FAT3: variants seen among roughly 807,000 people sequenced by gnomAD.
FAT3 encodes the protein FAT atypical cadherin 3.
FAT3 carries 95 observed loss-of-function variants against 310.2 expected under a neutral mutation model. The observed-to-expected ratio is 0.31, with a 90% CI of 0.26 to 0.36. The LOEUF is 0.36. Among genes scored for constraint, FAT3 ranks in the 10% least tolerant of loss-of-function variants. FAT3 has a pLI of 1.00. For missense variants in FAT3, 5,408 were observed against 5,715.6 expected, an observed-to-expected ratio of 0.95 and a Z score of 1.74; for synonymous variants, 2,314 against 2,192.9, an observed-to-expected ratio of 1.06 and a Z score of -1.54.
Position 92,354,120 on chromosome 11 carries a change from T to C in FAT3, c.2008T>C (p.Ser670Pro). ...NLADPMSINI[S>P]VLHGKVSSKS... ...TGCAGACCCCATGTCTATTAACATT[T>C]CAGTCCTACATGGGAAAGTGTCTTC... The change falls in exon 2 of 28, where the codon TCA (serine) becomes CCA (proline). Residue 670 changes from serine (S) to proline (P), a missense_variant. By Grantham distance (74) the Ser-to-Pro change is moderately conservative. Transcript: ENST00000525166. 1.2e-6 allele frequency: 2 copies of C among 1,613,862 alleles called. No individual in the cohort carries two copies. The highest frequency in any genetic ancestry group is 1.1e-5 in the South Asian group (1 of 91,084).
At chr11:92,718,259 G>C (rs1278525184) in intron 4 of FAT3, among the ~76,000 whole-genome samples, 2 of 152,154 alleles carry the variant, frequency 1.3e-5, no homozygotes, top group African/African-American at 4.8e-5. Context: ...TATATGTAAA[G>C]GTTTATTACT....
At chr11:92,278,613 C>CAT (rs1342386995) in intron 1 of FAT3, among the ~76,000 whole-genome samples, 6 of 151,832 alleles carry the variant, frequency 4.0e-5, no homozygotes, top group South Asian at 2.1e-4. Context: ...TATGTGTCTA[C>CAT]ATATATATAT....
chr11:92,868,669 G>C (rs879933205), intron 22 of FAT3, among the ~76,000 whole-genome samples: 1 of 152,188 alleles, frequency 6.6e-6, no homozygotes, highest in Non-Finnish European at 1.5e-5. Context: ...AACGATGGCA[G>C]GACGTTGTTT....
chr11:92,821,165 A>G (rs1947959447), intron 13 of FAT3, among the ~76,000 whole-genome samples: 1 of 152,202 alleles, frequency 6.6e-6, no homozygotes, highest in Admixed American at 6.5e-5. Context: ...TACCACTGAA[A>G]AGACCCTGAG....
At chr11:92,394,812 C>T (rs775351375) in intron 2 of FAT3, among the ~76,000 whole-genome samples, 3 of 152,216 alleles carry the variant, frequency 2.0e-5, no homozygotes, top group African/African-American at 2.4e-5. Flanking sequence ...ATAGAATATT[C>T]GTACTTACCA....
Position 92,887,019 on chromosome 11 carries a change from G to T in FAT3, c.12957G>T (p.Pro4319=), listed in dbSNP as rs761259302. Reference sequence around the variant, plus strand: ...ATGAAGACAAAGGGGTTGATGACCCGGGAGAAGTGACCTGCTTTGCAGGTA... The same window carrying T: ...ATGAAGACAAAGGGGTTGATGACCCTGGAGAAGTGACCTGCTTTGCAGGTA... ...AGTENKGVDD[P]GEVTCFAGSN... Residue 4319 remains proline, a synonymous_variant, in exon 25 of 28, where the codon CCG becomes CCT. Coordinates refer to ENST00000525166, the MANE Select transcript of FAT3 (RefSeq NM_001367949.2). The T allele has an allele frequency of 6.2e-7, 1 of 1,607,438 alleles. No individual in the cohort carries two copies. Among genetic ancestry groups the T allele is most frequent in the Non-Finnish European group, 8.5e-7 (1 of 1,177,200 alleles).
At chr11:92,845,129 G>A (rs1376987957) in intron 19 of FAT3, among the ~76,000 whole-genome samples, 1 of 152,206 alleles carries the variant, frequency 6.6e-6, no homozygotes, top group Non-Finnish European at 1.5e-5. Context: ...GGGCATAAGA[G>A]GAACCTACAC....
intron 3 of FAT3, among the ~76,000 whole-genome samples, chr11:92,608,115 A>G (rs1001315467): frequency 1.3e-5 from 2 of 152,184 alleles, no homozygotes; most frequent in African/African-American, 4.8e-5. Flanking sequence ...GAACCATAAG[A>G]TTATGATACA....
intron 1 of FAT3, among the ~76,000 whole-genome samples, chr11:92,268,800 AACAT>A (rs1259835976): frequency 6.6e-6 from 1 of 152,210 alleles, no homozygotes; most frequent in African/African-American, 2.4e-5. Flanking sequence ...ACATGTACAA[AACAT>A]ACCCCTTGGT....
intron 3 of FAT3, among the ~76,000 whole-genome samples, chr11:92,677,129 A>T (rs1943311602): frequency 6.6e-6 from 1 of 152,230 alleles, no homozygotes; most frequent in Non-Finnish European, 1.5e-5. Flanking sequence ...AAGATCATAA[A>T]TTATCTAAGG....
chr11:92,470,413 A>C (rs544270588), intron 2 of FAT3, among the ~76,000 whole-genome samples: 1 of 152,278 alleles, frequency 6.6e-6, no homozygotes, highest in East Asian at 1.9e-4. Context: ...TATATTTTCT[A>C]TTTAGATCTG....
chr11:92,751,908 G>A (rs910735857), intron 4 of FAT3, among the ~76,000 whole-genome samples: 19 of 152,040 alleles, frequency 1.2e-4, no homozygotes, highest in Admixed American at 3.3e-4. Context: ...AAGCCTCACC[G>A]TCTCCAGCTG....
intron 7 of FAT3, among the ~76,000 whole-genome samples, chr11:92,788,870 T>C (rs1946966480): frequency 6.6e-6 from 1 of 151,962 alleles, no homozygotes; most frequent in African/African-American, 2.4e-5. Flanking sequence ...CCATAAAAAT[T>C]GCAGGGAAAT....
chr11:92,765,792 G>GGC (rs1414175900), intron 6 of FAT3, among the ~76,000 whole-genome samples: 1 of 150,382 alleles, frequency 6.6e-6, no homozygotes, highest in African/African-American at 2.4e-5. Flanking sequence ...TTTTTTGAGG[G>GGC]GGGGGTTGTT....
chr11:92,866,155 C>T (rs1949241207), intron 21 of FAT3, among the ~76,000 whole-genome samples: 2 of 152,114 alleles, frequency 1.3e-5, no homozygotes, highest in Non-Finnish European at 1.5e-5. Flanking sequence ...TTCTACCAGG[C>T]CTCTTTCTTT....
intron 2 of FAT3, among the ~76,000 whole-genome samples, chr11:92,392,304 A>G (rs1949768572): frequency 6.6e-6 from 1 of 152,206 alleles, no homozygotes; most frequent in African/African-American, 2.4e-5. Flanking sequence ...AAAAATAGCT[A>G]TCAATTATTG....
rs540116465 is a variant in FAT3, at chr11:92,337,728, A to G, written c.-17-14368A>G. Among the ~76,000 whole-genome samples, 2 of 152,328 alleles carry G rather than the reference A, an allele frequency of 1.3e-5. 1 individual carries two copies. Among genetic ancestry groups the G allele is most frequent in the South Asian group, 4.1e-4 (2 of 4,828 alleles). ...TTACAGGCGTAAGCCACCGCACTTG[A>G]CGGAAAGTAGTTCTTGAAAACAATA... On this transcript the variant is annotated intron_variant, in intron 1 of 27. Coordinates refer to ENST00000525166, the MANE Select transcript of FAT3 (RefSeq NM_001367949.2).
chr11:92,497,143 T>A (rs1272040783), intron 2 of FAT3, among the ~76,000 whole-genome samples: 1 of 152,046 alleles, frequency 6.6e-6, no homozygotes, highest in Non-Finnish European at 1.5e-5. Context: ...CATAGACGCC[T>A]GGGCTTCCCC....
At chr11:92,812,289 A>G (rs1052568298) in intron 13 of FAT3, among the ~76,000 whole-genome samples, 3 of 152,196 alleles carry the variant, frequency 2.0e-5, no homozygotes, top group African/African-American at 7.2e-5. Flanking sequence ...GCACATCAAT[A>G]GCCATTGCAC....
Sources: allele counts gnomAD v4.1 joint callset (sites outside exome capture counted in the v4.1 genomes callset), GRCh38; gene constraint gnomAD v4.1.1; transcripts MANE v1.5; gene names NCBI Gene and HGNC (gene_info 2026-07-23, HGNC 2026-07-21).